NFIA: variants seen among roughly 807,000 people sequenced by gnomAD.
NFIA encodes the protein nuclear factor I A, also known as nuclear factor 1 A-type.
Under a neutral mutation model 62.8 loss-of-function variants are expected in NFIA, and 8 were observed. The ratio of observed to expected loss-of-function variants is 0.13; its 90% CI spans 0.07 to 0.23. The LOEUF is 0.23. NFIA is among the 10% of genes least tolerant of loss of function. NFIA has a pLI of 1.00. For synonymous variants in NFIA, 235 were observed against 238.1 expected (o/e 0.99, Z 0.12); for missense variants, 410 against 642.1 (o/e 0.64, Z 3.91).
At chr1:61,329,797 T>C (rs1661192374) in intron 3 of NFIA, among the ~76,000 whole-genome samples, 1 of 152,186 alleles carries the variant, frequency 6.6e-6, no homozygotes, top group Non-Finnish European at 1.5e-5. Context: ...AATGAGTAAC[T>C]CATCAGATTT....
intron 4 of NFIA, among the ~76,000 whole-genome samples, chr1:61,339,354 G>A (rs1007440441): frequency 2.2e-4 from 34 of 152,220 alleles, no homozygotes; most frequent in Non-Finnish European, 3.2e-4. Flanking sequence ...AGTTTTTAAA[G>A]AAAATCTAAG....
intron 1 of NFIA, among the ~76,000 whole-genome samples, chr1:61,083,527 G>T (rs1328002291): frequency 6.6e-6 from 1 of 151,968 alleles, no homozygotes; most frequent in Non-Finnish European, 1.5e-5. Flanking sequence ...TCGGCTGAGC[G>T]GGGCTACGTG....
chr1:61,304,324 A>G (rs1659644459), intron 3 of NFIA, among the ~76,000 whole-genome samples: 1 of 152,178 alleles, frequency 6.6e-6, no homozygotes, highest in African/African-American at 2.4e-5. Flanking sequence ...TCATTGAGCT[A>G]TGCTCTCTCT....
Position 61,352,716 on chromosome 1 carries a change from G to A in NFIA, c.818+149G>A, listed in dbSNP as rs190647592. 2.8e-4 allele frequency: 191 copies of A among 673,110 alleles called. 2 individuals carry two copies. The highest frequency in any genetic ancestry group is 2.7e-3 in the African/African-American group (148 of 54,508). The allele number at this position is 673,110 out of a possible 1,614,324, so 41.7% of individuals were successfully genotyped here. On this transcript the variant is annotated intron_variant, in intron 5 of 10. Transcript: ENST00000403491. ...TCAGCCCCAAAAGACTGTCGGTCTC[G>A]TTGGGGAGATAAAGCAAATATGCAT... is the stretch of plus-strand genomic sequence containing the variant.
intron 2 of NFIA, among the ~76,000 whole-genome samples, chr1:61,171,146 A>T (rs2100548877): frequency 6.6e-6 from 1 of 152,272 alleles, no homozygotes; most frequent in African/African-American, 2.4e-5. Flanking sequence ...AGTTTCTTTT[A>T]TTCCCAATCT....
chr1:61,336,709 C>T (rs2100401773), intron 4 of NFIA, among the ~76,000 whole-genome samples: 1 of 152,308 alleles, frequency 6.6e-6, no homozygotes, highest in Non-Finnish European at 1.5e-5. Context: ...TTTACTCTCT[C>T]CATAGTTATG....
In NFIA at chr1:61,359,213, A is replaced by G; in HGVS notation, c.885A>G (p.Thr295=). 6.2e-7 allele frequency: 1 copy of G among 1,613,098 alleles called. No homozygotes were observed. The highest frequency in any genetic ancestry group is 1.1e-5 in the South Asian group (1 of 91,034). ...MDSPGEEPFY[T]GQGRSPGSGS... is the part of the protein sequence containing the mutation. ...GTCCTGGTGAGGAGCCATTTTATAC[A>G]GGCCAAGGGCGCTCCCCAGGAAGTG... Residue 295 remains threonine, a synonymous_variant, in exon 6 of 11, where the codon ACA becomes ACG. Transcript: ENST00000403491.
intron 6 of NFIA, among the ~76,000 whole-genome samples, chr1:61,372,784 T>G (rs1008921865): frequency 2.0e-5 from 3 of 152,154 alleles, no homozygotes; most frequent in Admixed American, 6.6e-5. Flanking sequence ...AATATCAGTA[T>G]AGTGAACATA....
chr1:61,249,832 T>A (rs1384973774), intron 2 of NFIA: 1 of 151,960 alleles, frequency 6.6e-6, no homozygotes, highest in Non-Finnish European at 1.5e-5. Context: ...AAAAAAAGAA[T>A]AATATTCGTT....
At chr1:61,256,303 G>A (rs1429440326) in intron 2 of NFIA, among the ~76,000 whole-genome samples, 3 of 151,944 alleles carry the variant, frequency 2.0e-5, no homozygotes, top group Non-Finnish European at 2.9e-5. Flanking sequence ...GGGTGTGGTG[G>A]TGCGTGCCTG....
chr1:61,181,289 C>T (rs898569486), intron 2 of NFIA, among the ~76,000 whole-genome samples: 1 of 152,128 alleles, frequency 6.6e-6, no homozygotes, highest in Non-Finnish European at 1.5e-5. Context: ...ATGTGTGAAA[C>T]AGCCACCATT....
intron 6 of NFIA, among the ~76,000 whole-genome samples, chr1:61,371,504 G>A (rs1663884812): frequency 6.6e-6 from 1 of 151,882 alleles, no homozygotes; most frequent in South Asian, 2.1e-4. Flanking sequence ...TTATTATATT[G>A]GATCACATAA....
At chr1:61,406,509 T>C in intron 8 of NFIA, 53 bp from the exon 9 acceptor site, 1 of 1,482,828 alleles carries the variant, frequency 6.7e-7, no homozygotes, top group Non-Finnish European at 9.2e-7. Context: ...ATGGTTGCTG[T>C]CTCTTTCTTC....
At chr1:61,150,751 T>A (rs1648345361) in intron 2 of NFIA, among the ~76,000 whole-genome samples, 1 of 152,182 alleles carries the variant, frequency 6.6e-6, no homozygotes, top group Non-Finnish European at 1.5e-5. Flanking sequence ...CGAATACTCT[T>A]CTGTGGGCTC....
intron 1 of NFIA, among the ~76,000 whole-genome samples, chr1:61,083,451 G>A (rs530869810): frequency 6.6e-6 from 1 of 152,188 alleles, no homozygotes; most frequent in South Asian, 2.1e-4. Flanking sequence ...CGGAAAGGAC[G>A]CGGGCTCCCG....
intron 2 of NFIA, among the ~76,000 whole-genome samples, chr1:61,112,436 T>G (rs1570176977): frequency 6.6e-6 from 1 of 152,150 alleles, no homozygotes; most frequent in South Asian, 2.1e-4. Context: ...TGTGCATGCA[T>G]GTAGATAAGT....
intron 9 of NFIA, among the ~76,000 whole-genome samples, chr1:61,421,418 A>C (rs566594342): frequency 6.6e-6 from 1 of 152,196 alleles, no homozygotes; most frequent in East Asian, 1.9e-4. Flanking sequence ...TGGTAGATCG[A>C]GTTTAAGGGA....
intron 2 of NFIA, among the ~76,000 whole-genome samples, chr1:61,140,782 CA>C (rs1009422019): frequency 8.6e-5 from 13 of 151,930 alleles, no homozygotes; most frequent in African/African-American, 3.1e-4. Context: ...CAAACAGGCT[CA>C]GAATGGGGCA....
intron 2 of NFIA, among the ~76,000 whole-genome samples, chr1:61,235,690 G>A (rs943713030): frequency 2.0e-5 from 3 of 149,920 alleles, no homozygotes; most frequent in Non-Finnish European, 4.4e-5. Context: ...ATGCACACCT[G>A]TGGTCCTAGC....
Sources: allele counts gnomAD v4.1 joint callset (sites outside exome capture counted in the v4.1 genomes callset), GRCh38; gene constraint gnomAD v4.1.1; transcripts MANE v1.5; gene names NCBI Gene and HGNC (gene_info 2026-07-23, HGNC 2026-07-21).